MMD2: variants seen among roughly 807,000 people sequenced by gnomAD.
The protein encoded by MMD2 is monocyte to macrophage differentiation factor 2.
MMD2 carries 30 observed loss-of-function variants against 33.5 expected under a neutral mutation model. The observed-to-expected ratio is 0.90, with a 90% confidence interval of 0.67 to 1.22. The LOEUF is 1.22. Ranked by LOEUF, MMD2 falls within the 50% of genes most tolerant of loss-of-function variation. MMD2 has a pLI of 0.00. For missense variants in MMD2, 364 were observed against 325.4 expected (o/e 1.12, Z -0.91); for synonymous variants, 129 against 123.0 (o/e 1.05, Z -0.32).
intron 1 of MMD2, among the ~76,000 whole-genome samples, chr7:4,955,335 C>G (rs1292495622): frequency 6.6e-6 from 1 of 152,140 alleles, no homozygotes; most frequent in Admixed American, 6.6e-5. Context: ...ATCAAAGACT[C>G]TAGGTTAGAA....
chr7:4,945,206 C>CTTCTTCTTCTTCTTCTTCTT (rs1255871088), intron 1 of MMD2, among the ~76,000 whole-genome samples: 9 of 139,982 alleles, frequency 6.4e-5, no homozygotes, highest in African/African-American at 2.2e-4. Context: ...TCTTCTTCTT[C>CTTCTTCTTCTTCTTCTTCTT]TTCTTCTTCT....
At chr7:4,943,136 C>T (rs1036574756) in intron 1 of MMD2, among the ~76,000 whole-genome samples, 1 of 150,798 alleles carries the variant, frequency 6.6e-6, no homozygotes, top group South Asian at 2.1e-4. Context: ...CAGTCTCCTG[C>T]GTAGCTGAGA....
At chr7:4,923,408 C>T (rs965949180) in intron 2 of MMD2, among the ~76,000 whole-genome samples, 5 of 152,030 alleles carry the variant, frequency 3.3e-5, no homozygotes, top group East Asian at 1.9e-4. Flanking sequence ...CCGGCCAATT[C>T]AGCACCTCTT....
the MMD2 span, among the ~76,000 whole-genome samples, chr7:4,893,366 T>TC: frequency 2.6e-5 from 2 of 78,198 alleles, no homozygotes; most frequent in African/African-American, 1.4e-4. Context: ...GTTATTTCTT[T>TC]TATTTATTTA....
chr7:4,913,391 AAAGTT>A (rs1416169110), intron 4 of MMD2, among the ~76,000 whole-genome samples: 1 of 152,282 alleles, frequency 6.6e-6, no homozygotes, highest in African/African-American at 2.4e-5. Context: ...CTTGGACTCT[AAAGTT>A]AAGATAAATT....
chr7:4,927,447 A>T (rs1313536077), intron 1 of MMD2, among the ~76,000 whole-genome samples: 2 of 152,142 alleles, frequency 1.3e-5, no homozygotes, highest in Non-Finnish European at 2.9e-5. Context: ...TGGGAGGCTG[A>T]GGCAGAAGAA....
At chr7:4,947,165 G>A (rs916910078) in intron 1 of MMD2, among the ~76,000 whole-genome samples, 6 of 151,836 alleles carry the variant, frequency 4.0e-5, no homozygotes, top group African/African-American at 7.3e-5. Flanking sequence ...CTGAGATGGC[G>A]CCACTGCACT....
chr7:4,897,399 C>T, the MMD2 span, among the ~76,000 whole-genome samples: 7 of 151,948 alleles, frequency 4.6e-5, no homozygotes, highest in Non-Finnish European at 7.4e-5. Flanking sequence ...TTCACAAACA[C>T]AGAAAGGGTC....
At chr7:4,910,596 C>A (rs568314745) in intron 5 of MMD2, among the ~76,000 whole-genome samples, 1 of 152,190 alleles carries the variant, frequency 6.6e-6, no homozygotes, top group African/African-American at 2.4e-5. Context: ...CCCCCCTAAC[C>A]CCGGCCCAAT....
intron 3 of MMD2, among the ~76,000 whole-genome samples, chr7:4,919,088 G>T (rs1265620119): frequency 2.0e-5 from 3 of 151,640 alleles, no homozygotes; most frequent in African/African-American, 7.3e-5. Context: ...GACAGAGTGA[G>T]ACCCCATCTC....
chr7:4,925,797 C>T (rs376322043), intron 1 of MMD2, among the ~76,000 whole-genome samples: 10 of 152,066 alleles, frequency 6.6e-5, no homozygotes, highest in African/African-American at 2.4e-4. Flanking sequence ...CTAGATAAGG[C>T]ATTCTCTTCA....
At chr7:4,895,824 G>A in the MMD2 span, among the ~76,000 whole-genome samples, 5 of 151,968 alleles carry the variant, frequency 3.3e-5, no homozygotes, top group Admixed American at 1.3e-4. Flanking sequence ...GTGAACCACC[G>A]CGCCCGGCTG....
intron 1 of MMD2, 50 bp downstream of exon 1, chr7:4,958,921 G>A: frequency 7.8e-7 from 1 of 1,276,412 alleles, no homozygotes. Flanking sequence ...GGCCCCCGCC[G>A]CCGCGCGCCC....
chr7:4,909,222 C>T (rs954551684), intron 6 of MMD2, among the ~76,000 whole-genome samples: 4 of 152,002 alleles, frequency 2.6e-5, no homozygotes, highest in Admixed American at 6.6e-5. Context: ...GGCACGGTAG[C>T]TCATGCCTGT....
chr7:4,899,211 C>T, the MMD2 span, among the ~76,000 whole-genome samples: 4 of 152,084 alleles, frequency 2.6e-5, no homozygotes, highest in African/African-American at 9.7e-5. Context: ...ACTTCTCAGC[C>T]TCCAGAACCG....
chr7:4,938,768 T>G (rs1308867245), intron 1 of MMD2, among the ~76,000 whole-genome samples: 1 of 152,214 alleles, frequency 6.6e-6, no homozygotes, highest in East Asian at 1.9e-4. Context: ...TTTATTTATA[T>G]TTGTGTGTTA....
At position 4,940,225 on chromosome 7, in the gene MMD2, G is replaced by A. The variant is rs1330778039; in HGVS notation, c.48-14693C>T. ...GGGTCCGGCACACCCCAGCTCCCCC[G>A]GCTCGCTCCTCCGAAGTCTGGCAGG... On this transcript the variant is annotated intron_variant, in intron 1 of 6. Coordinates refer to ENST00000401401, the MANE Select transcript of MMD2 (RefSeq NM_198403.4). This position sits in a 1 kb window ranked among gnomAD's most constrained non-coding sequence, Gnocchi z 5.0. 1.3e-5 allele frequency among the ~76,000 whole-genome samples: 2 copies of A among 152,066 alleles called. No individual in the cohort carries two copies. Among genetic ancestry groups the A allele is most frequent in the South Asian group, 2.1e-4 (1 of 4,808 alleles).
chr7:4,954,418 A>AT (rs113847657), intron 1 of MMD2, among the ~76,000 whole-genome samples: 53,534 of 151,024 alleles, frequency 0.35, 10,848 homozygotes, highest in Non-Finnish European at 0.47. Flanking sequence ...CAGAAACTTA[A>AT]TTTTTTTTTC....
intron 2 of MMD2, among the ~76,000 whole-genome samples, chr7:4,920,708 CCCTCCCTCCCTT>C (rs1165782006): frequency 1.6e-5 from 2 of 126,546 alleles, no homozygotes; most frequent in Non-Finnish European, 3.3e-5. Flanking sequence ...CTCCCTCCCT[CCCTCCCTCCCTT>C]CCTCCCTTTC....
Sources: gnomAD v4.1 joint callset for allele counts (sites outside exome capture counted in the v4.1 genomes callset) on GRCh38, gnomAD v4.1.1 for gene constraint, Gnocchi (gnomAD v3.1) non-coding constraint, MANE v1.5 for transcripts, NCBI Gene and HGNC (gene_info 2026-07-23, HGNC 2026-07-21) for gene names.